TRIM28: variants seen among roughly 807,000 people sequenced by gnomAD.
TRIM28 encodes the protein tripartite motif containing 28.
In TRIM28, 8 loss-of-function variants were observed where a neutral mutation model predicts 87.4. The ratio of observed to expected loss-of-function variants is 0.09; its 90% CI spans 0.05 to 0.17. The LOEUF is 0.17. TRIM28 is among the 10% of genes least tolerant of loss of function. The probability of loss-of-function intolerance (pLI) is 1.00; values close to 1 mark genes in which losing one functional copy is unlikely to be tolerated. For synonymous variants in TRIM28, 601 were observed against 454.3 expected, an observed-to-expected ratio of 1.32 and a Z score of -4.11; for missense variants, 968 against 1,131.8, an observed-to-expected ratio of 0.86 and a Z score of 2.08.
In TRIM28 at chr19:58,549,915, C is replaced by T. The variant is rs1280001089; in HGVS notation, c.2107-34C>T. On this transcript the variant is annotated intron_variant, in intron 14 of 16. Transcript: ENST00000253024. The surrounding 1 kb of genome is among the most constrained non-coding windows in gnomAD (Gnocchi z 4.4). ...GCCCAGAGAGGCTTTATAGGTGCTGCCCAGAGCTGTGACATCCCTTACAAT... is the reference window on the plus strand; with the variant it reads ...GCCCAGAGAGGCTTTATAGGTGCTGTCCAGAGCTGTGACATCCCTTACAAT... The T allele has an allele frequency of 6.2e-7, 1 of 1,614,022 alleles. No homozygotes were observed. The highest frequency in any genetic ancestry group is 8.5e-7 in the Non-Finnish European group (1 of 1,180,000).
At chr19:58,545,922 G>GC in intron 3 of TRIM28, 26 bp downstream of exon 3, 1 of 1,574,898 alleles carries the variant, frequency 6.3e-7, no homozygotes, top group Non-Finnish European at 8.7e-7. Context: ...GGGGGCTGTT[G>GC]GAGTTGTTCT....
In TRIM28 at chr19:58,548,476, C is replaced by T. The variant is rs773218915; in HGVS notation, c.1217-10C>T. The T allele has an allele frequency of 5.0e-6, 8 of 1,613,984 alleles. No homozygotes were observed. In the East Asian group the frequency reaches 6.7e-5, roughly 13 times the overall value. ...CTGCACCTACTTACGTTTCTCTCTT[C>T]TTTTTGCAGGCAAGATTGTGGCAGA... On this transcript the variant is annotated splice_polypyrimidine_tract_variant and intron_variant, in intron 8 of 16. Transcript: ENST00000253024.
Position 58,550,580 on chromosome 19 carries a change from C to T in TRIM28, c.*27C>T, listed in dbSNP as rs751501327. 11 of 1,593,306 alleles carry T rather than the reference C, an allele frequency of 6.9e-6. No individual in the cohort carries two copies. The highest frequency in any genetic ancestry group is 1.3e-5 in the African/African-American group (1 of 74,726). ...GCTGGAGCCCCCATGGCCAGCCCAG[C>T]CTGGCTCTGTTCTCTGTCCTGTCAC... On this transcript the variant is annotated 3_prime_UTR_variant, in exon 17 of 17. Transcript: ENST00000253024.
At position 58,547,418 on chromosome 19, in the gene TRIM28, A is replaced by G. The variant is rs376588378; in HGVS notation, c.629A>G (p.Asn210Ser). The G allele has an allele frequency of 1.5e-5, 24 of 1,613,918 alleles. No homozygotes were observed. The highest frequency in any genetic ancestry group is 2.7e-5 in the African/African-American group (2 of 74,892). ...GATGGTGAACGTACTGTCTATTGCA[A>G]CGTACACAAGCATGAACCCCTTGTG... ...SRDGERTVYC[N>S]VHKHEPLVLF... Residue 210 changes from asparagine (N) to serine (S), a missense_variant, in exon 4 of 17, where the codon AAC becomes AGC. Physicochemically the swap from Asn to Ser is conservative, Grantham distance 46. Coordinates refer to ENST00000253024, the MANE Select transcript of TRIM28 (RefSeq NM_005762.3).
chr19:58,546,837 C>T (rs568139448), intron 3 of TRIM28, among the ~76,000 whole-genome samples: 34 of 152,052 alleles, frequency 2.2e-4, no homozygotes, highest in Admixed American at 6.6e-5. Context: ...GGTGTGACCA[C>T]CATTCTGAGG....
At chr19:58,548,838 A>G (rs2053785863) in intron 10 of TRIM28, 24 bp from the exon 11 acceptor site, 2 of 1,613,948 alleles carry the variant, frequency 1.2e-6, no homozygotes, top group South Asian at 2.2e-5. Flanking sequence ...CCAACCTGCC[A>G]GTCTTCTTTC....
At chr19:58,548,834 T>C (rs1230958413) in intron 10 of TRIM28, 28 bp from the exon 11 acceptor site, 8 of 1,613,962 alleles carry the variant, frequency 5.0e-6, no homozygotes, top group Non-Finnish European at 6.8e-6. Flanking sequence ...TACCCCAACC[T>C]GCCAGTCTTC....
chr19:58,545,331 G>T, intron 1 of TRIM28, 94 bp from the exon 2 acceptor site: 2 of 1,083,154 alleles, frequency 1.8e-6, no homozygotes, highest in East Asian at 2.4e-5. Flanking sequence ...TTCGCTGCGG[G>T]ATAATGGTCG....
Position 58,544,947 on chromosome 19 carries a change from C to A in TRIM28, c.190C>A (p.His64Asn). The change falls in exon 1 of 17, where the codon CAC becomes AAC. Residue 64 changes from histidine to asparagine, a missense_variant. Physicochemically the swap from His to Asn is moderately conservative, Grantham distance 68. Transcript: ENST00000253024. ...GGAEALELLE[H>N]CGVCRERLRP... The stretch of plus-strand genomic sequence containing the variant: ...CGCCGAGGCGCTGGAGCTGCTGGAG[C>A]ACTGCGGCGTGTGCAGAGAGCGCCT... 2.0e-6 allele frequency: 3 copies of A among 1,486,458 alleles called. No individual in the cohort carries two copies. Among genetic ancestry groups the A allele is most frequent in the Non-Finnish European group, 2.7e-6 (3 of 1,129,498 alleles). 92.1% of individuals were successfully genotyped at this position (1,486,458 alleles called of 1,614,324 possible).
intron 3 of TRIM28, among the ~76,000 whole-genome samples, 169 bp downstream of exon 3, chr19:58,546,065 G>A (rs186399703): frequency 6.6e-6 from 1 of 152,326 alleles, no homozygotes; most frequent in African/African-American, 2.4e-5. Flanking sequence ...GTTGTGGTGT[G>A]TAGTCTCTAG....
chr19:58,548,287 C>T lies in TRIM28; in HGVS notation c.1102-7C>T, dbSNP rs376025362. 4 of 1,613,946 alleles carry T rather than the reference C, an allele frequency of 2.5e-6. No homozygotes were observed. The African/African-American group carries it at 4.0e-5, about 16-fold the overall frequency. ...CTCATTCTTTCCTCCCTTTCACTCC[C>T]AACCAGATCTACTTCCAGCTGCACC... On this transcript the variant is annotated splice_polypyrimidine_tract_variant and splice_region_variant and intron_variant, in intron 7 of 16. Coordinates refer to ENST00000253024, the MANE Select transcript of TRIM28 (RefSeq NM_005762.3).
Position 58,544,918 on chromosome 19 carries a change from G to C in TRIM28, c.161G>C (p.Gly54Ala). The change falls in exon 1 of 17, where the codon GGC (glycine) becomes GCC (alanine). Residue 54 changes from glycine to alanine, a missense_variant. Coordinates refer to ENST00000253024, the MANE Select transcript of TRIM28 (RefSeq NM_005762.3). ...GCCGCGGCGTCGTCGCCCGCGGGGG[G>C]CGGCGCCGAGGCGCTGGAGCTGCTG... The part of the protein sequence containing the change: ...ASAAASSPAG[G>A]GAEALELLEH... 1 of 1,405,298 alleles carries C rather than the reference G, an allele frequency of 7.1e-7. No homozygotes were observed. 87.1% of individuals were successfully genotyped at this position (1,405,298 alleles called of 1,614,324 possible).
At position 58,545,516 on chromosome 19, in the gene TRIM28, C is replaced by T; in HGVS notation, c.432C>T (p.Thr144=). The T allele has an allele frequency of 6.2e-7, 1 of 1,611,358 alleles. No individual in the cohort carries two copies. Among genetic ancestry groups the T allele is most frequent in the African/African-American group, 1.3e-5 (1 of 75,008 alleles). Residue 144 remains threonine, a synonymous_variant, in exon 2 of 17, where the codon ACC becomes ACT. Transcript: ENST00000253024. ...GTGATAGTGGCAGCAAGGCTGCCAC[C>T]GACGCCCAGGATGCGAACCAGGTGC... The part of the protein sequence containing the change: ...FMRDSGSKAA[T]DAQDANQCCT...
At position 58,544,372 on chromosome 19, in the gene TRIM28, C is replaced by T. The variant is rs376170398; in HGVS notation, c.-386C>T. The stretch of plus-strand genomic sequence containing the variant: ...CTCTCCCGCACCGACCGGCCTGGGC[C>T]CCGCCCCCGGGCGTGAGGCGCCCAA... On this transcript the variant is annotated 5_prime_UTR_variant, in exon 1 of 17. Coordinates refer to ENST00000253024, the MANE Select transcript of TRIM28 (RefSeq NM_005762.3). The T allele has an allele frequency of 6.6e-6, 1 of 152,296 alleles. No individual in the cohort carries two copies. The highest frequency in any genetic ancestry group is 1.5e-5 in the Non-Finnish European group (1 of 68,090). 9.4% of individuals were successfully genotyped at this position (152,296 alleles called of 1,614,324 possible).
At position 58,547,627 on chromosome 19, in the gene TRIM28, C is replaced by G; in HGVS notation, c.753C>G (p.Asn251Lys). The change falls in exon 5 of 17, where the codon AAC (asparagine) becomes AAG (lysine). Residue 251 changes from asparagine to lysine, a missense_variant. Coordinates refer to ENST00000253024, the MANE Select transcript of TRIM28 (RefSeq NM_005762.3). ...QYQFLEDAVR[N>K]QRKLLASLVK... ...AGTTCTTAGAGGATGCAGTGAGGAA[C>G]CAGCGCAAGCTCCTGGCCTCACTGG... The G allele has an allele frequency of 6.2e-7, 1 of 1,614,058 alleles. No individual in the cohort carries two copies. Among genetic ancestry groups the G allele is most frequent in the Non-Finnish European group, 8.5e-7 (1 of 1,180,014 alleles).
In TRIM28 at chr19:58,544,938, C is replaced by T; in HGVS notation, c.181C>T (p.Leu61=). ...GGGGGGCGGCGCCGAGGCGCTGGAG[C>T]TGCTGGAGCACTGCGGCGTGTGCAG... ...PAGGGAEALE[L]LEHCGVCRER... The change falls in exon 1 of 17, where the codon CTG becomes TTG. Residue 61 remains leucine (L), a synonymous_variant. Coordinates refer to ENST00000253024, the MANE Select transcript of TRIM28 (RefSeq NM_005762.3). The T allele has an allele frequency of 6.9e-7, 1 of 1,453,480 alleles. No individual in the cohort carries two copies. The highest frequency in any genetic ancestry group is 9.0e-7 in the Non-Finnish European group (1 of 1,112,716). The allele number at this position is 1,453,480 out of a possible 1,614,324, so 90.0% of individuals were successfully genotyped here. A position where few individuals can be genotyped will look rare whatever the true frequency, so the allele number is the denominator to read the frequency against.
Position 58,550,687 on chromosome 19 carries a change from C to G in TRIM28, c.*134C>G, listed in dbSNP as rs1318677262. 9 of 941,546 alleles carry G rather than the reference C, an allele frequency of 9.6e-6. No individual in the cohort carries two copies. The highest frequency in any genetic ancestry group is 1.2e-5 in the Non-Finnish European group (8 of 648,592). 58.3% of individuals were successfully genotyped at this position (941,546 alleles called of 1,614,324 possible). On this transcript the variant is annotated 3_prime_UTR_variant, in exon 17 of 17. Transcript: ENST00000253024. ...GTTCCTCACGATATGGTTTTTACTT[C>G]TGTGGATTTAATAAAAACTTCACCA... is the stretch of plus-strand genomic sequence containing the variant.
rs151255688 is a variant in TRIM28, at chr19:58,547,132, A to G, written c.587-244A>G. On this transcript the variant is annotated intron_variant, in intron 3 of 16. Coordinates refer to ENST00000253024, the MANE Select transcript of TRIM28 (RefSeq NM_005762.3). ...TAGACGCTGTTATCCTTACCCTTACATTGTTGTTATCTCTAGAAGCTAGAA... is the reference window on the plus strand; with the variant it reads ...TAGACGCTGTTATCCTTACCCTTACGTTGTTGTTATCTCTAGAAGCTAGAA... 2.4e-4 allele frequency: 121 copies of G among 507,148 alleles called. No homozygotes were observed. The East Asian group carries it at 3.3e-3, about 14-fold the overall frequency. 31.4% of individuals were successfully genotyped at this position (507,148 alleles called of 1,614,324 possible). A position where few individuals can be genotyped will look rare whatever the true frequency, so the allele number is the denominator to read the frequency against.
chr19:58,548,058 C>T lies in TRIM28; in HGVS notation c.979C>T (p.Arg327Cys). 1 of 1,614,174 alleles carries T rather than the reference C, an allele frequency of 6.2e-7. No individual in the cohort carries two copies. The highest frequency in any genetic ancestry group is 8.5e-7 in the Non-Finnish European group (1 of 1,180,022). The stretch of plus-strand genomic sequence containing the variant: ...GAAGGTGACTGAGGGGCAGCAGGAG[C>T]GCCTGGAGCGGCAGCACTGGACCAT... ...AQKVTEGQQE[R>C]LERQHWTMTK... Residue 327 changes from arginine (R) to cysteine (C), a missense_variant, in exon 7 of 17, where the codon CGC (arginine) becomes TGC (cysteine). By Grantham distance (180) the Arg-to-Cys change is radical. Transcript: ENST00000253024.
Sources: gnomAD v4.1 joint callset for allele counts (sites outside exome capture counted in the v4.1 genomes callset) on GRCh38, gnomAD v4.1.1 for gene constraint, Gnocchi (gnomAD v3.1) non-coding constraint, MANE v1.5 for transcripts, NCBI Gene and HGNC (gene_info 2026-07-23, HGNC 2026-07-21) for gene names.